The following EIF3H variants were observed in gnomAD, a reference collection of about 807,000 sequenced individuals.
EIF3H encodes the protein eukaryotic translation initiation factor 3 subunit H.
A neutral mutation model predicts 44.2 loss-of-function variants in EIF3H; 26 were observed. The ratio of observed to expected loss-of-function variants is 0.59; its 90% CI spans 0.43 to 0.82. EIF3H has a LOEUF of 0.82. Among genes scored for constraint, EIF3H ranks in the 40% least tolerant of loss-of-function variants. The pLI is 0.00. For synonymous variants in EIF3H, 166 were observed against 151.9 expected, an observed-to-expected ratio of 1.09 and a Z score of -0.68; for missense variants, 359 against 432.8, an observed-to-expected ratio of 0.83 and a Z score of 1.51.
At chr8:116,734,264 G>A (rs2130943240) in intron 1 of EIF3H, 1 of 455,782 alleles carries the variant, frequency 2.2e-6, no homozygotes, top group South Asian at 1.6e-5. Flanking sequence ...GAGGGGCAGG[G>A]AAGCAGCCTT....
chr8:116,678,039 A>T (rs992674842), intron 2 of EIF3H, among the ~76,000 whole-genome samples: 1 of 151,830 alleles, frequency 6.6e-6, no homozygotes, highest in Admixed American at 6.6e-5. Flanking sequence ...TCTGATGCCG[A>T]GCCAAAGCTG....
chr8:116,687,291 G>T lies in EIF3H; in HGVS notation c.290-28311C>A, dbSNP rs533183019. Reference sequence around the variant, plus strand: ...CAAGAAAACATCAAAATTCCAGGAAGAATTTTAGGCCAGATACAGTACTAA... The same window carrying T: ...CAAGAAAACATCAAAATTCCAGGAATAATTTTAGGCCAGATACAGTACTAA... On this transcript the variant is annotated intron_variant, in intron 2 of 7. Transcript: ENST00000521861. Among the ~76,000 whole-genome samples, 18 of 152,238 alleles carry T rather than the reference G, an allele frequency of 1.2e-4. No individual in the cohort carries two copies. The South Asian group carries it at 3.7e-3, about 32-fold the overall frequency.
intron 2 of EIF3H, among the ~76,000 whole-genome samples, chr8:116,708,573 G>C (rs1165110869): frequency 6.6e-6 from 1 of 151,994 alleles, no homozygotes; most frequent in Non-Finnish European, 1.5e-5. Context: ...GGCCAAGTGA[G>C]ATAATTTATC....
At chr8:116,752,618 T>A (rs1464748602) in intron 1 of EIF3H, among the ~76,000 whole-genome samples, 1 of 147,076 alleles carries the variant, frequency 6.8e-6, no homozygotes, top group South Asian at 2.1e-4. Context: ...TTGGCTAGTA[T>A]GTAATATTGC....
At chr8:116,759,426 A>G (rs1815492344), upstream of EIF3H, among the ~76,000 whole-genome samples, 1 of 152,120 alleles carries the variant, frequency 6.6e-6, no homozygotes, top group Non-Finnish European at 1.5e-5. Flanking sequence ...TAATAACTCT[A>G]CCCACTAGAA....
At chr8:116,759,419 T>C (rs1815492238), upstream of EIF3H, among the ~76,000 whole-genome samples, 1 of 152,178 alleles carries the variant, frequency 6.6e-6, no homozygotes, top group Non-Finnish European at 1.5e-5. Context: ...TGTGGCATAA[T>C]AACTCTACCC....
intron 1 of EIF3H, among the ~76,000 whole-genome samples, chr8:116,737,875 C>G (rs1207145398): frequency 6.6e-6 from 1 of 151,184 alleles, no homozygotes; most frequent in Non-Finnish European, 1.5e-5. Context: ...TCTCTACTAA[C>G]ATACAAAAAA....
chr8:116,660,964 TATG>T (rs1305413940), intron 2 of EIF3H, among the ~76,000 whole-genome samples: 2 of 152,228 alleles, frequency 1.3e-5, no homozygotes, highest in Non-Finnish European at 2.9e-5. Context: ...CAGTATGAAA[TATG>T]ATAATCTTAC....
chr8:116,738,139 A>G (rs1815074135), intron 1 of EIF3H, among the ~76,000 whole-genome samples: 1 of 151,000 alleles, frequency 6.6e-6, no homozygotes, highest in Admixed American at 6.6e-5. Flanking sequence ...TTTTAATTCA[A>G]AAAGCATCAA....
At chr8:116,647,953 T>A (rs1813332513) in intron 6 of EIF3H, among the ~76,000 whole-genome samples, 1 of 152,174 alleles carries the variant, frequency 6.6e-6, no homozygotes, top group Non-Finnish European at 1.5e-5. Flanking sequence ...GATTTACATA[T>A]GTTTTCTCAA....
At chr8:116,692,583 C>A (rs1814197013) in intron 2 of EIF3H, among the ~76,000 whole-genome samples, 1 of 152,118 alleles carries the variant, frequency 6.6e-6, no homozygotes. Context: ...CTGAGACTTA[C>A]TTAATTAAGA....
intron 2 of EIF3H, among the ~76,000 whole-genome samples, chr8:116,665,238 A>G (rs1044678838): frequency 6.6e-6 from 1 of 152,228 alleles, no homozygotes; most frequent in African/African-American, 2.4e-5. Flanking sequence ...TCTATATTTG[A>G]CATTAAATTA....
intron 2 of EIF3H, among the ~76,000 whole-genome samples, chr8:116,678,940 G>C (rs1813907963): frequency 2.0e-5 from 2 of 98,166 alleles, no homozygotes; most frequent in African/African-American, 6.1e-5. Context: ...GCCCCTACTG[G>C]GAAGTGAGGA....
At chr8:116,703,236 G>A (rs776890402) in intron 2 of EIF3H, among the ~76,000 whole-genome samples, 5 of 152,136 alleles carry the variant, frequency 3.3e-5, no homozygotes, top group Non-Finnish European at 7.4e-5. Flanking sequence ...ACAGAGATAG[G>A]AGCTGAAGGG....
intron 2 of EIF3H, among the ~76,000 whole-genome samples, chr8:116,707,537 TTCAG>T (rs1380214017): frequency 1.4e-5 from 2 of 140,732 alleles, no homozygotes; most frequent in Admixed American, 7.3e-5. Context: ...TTTGATAATA[TTCAG>T]TCAAATATCT....
chr8:116,739,901 G>A (rs1344212641), intron 1 of EIF3H, among the ~76,000 whole-genome samples: 2 of 152,142 alleles, frequency 1.3e-5, no homozygotes, highest in East Asian at 3.8e-4. Flanking sequence ...CAGGTTATCA[G>A]TGGTAAAGAA....
intron 2 of EIF3H, among the ~76,000 whole-genome samples, chr8:116,668,030 T>C (rs6980504): frequency 0.89 from 135,302 of 152,258 alleles, 60,416 homozygotes; most frequent in African/African-American, 0.96. Context: ...ATTAACCCCA[T>C]CCTCAAACTC....
At chr8:116,710,701 G>C (rs903429900) in intron 2 of EIF3H, among the ~76,000 whole-genome samples, 1 of 152,176 alleles carries the variant, frequency 6.6e-6, no homozygotes, top group Admixed American at 6.5e-5. Context: ...AAACATACTG[G>C]AATTACTGCC....
At chr8:116,764,148 T>C (rs2131015519) in intron 1 of EIF3H, among the ~76,000 whole-genome samples, 1 of 152,344 alleles carries the variant, frequency 6.6e-6, no homozygotes, top group East Asian at 1.9e-4. Context: ...CTATTTGGCA[T>C]GGAAAATGTC....
Sources: gnomAD v4.1 joint callset for allele counts (sites outside exome capture counted in the v4.1 genomes callset) on GRCh38, gnomAD v4.1.1 for gene constraint, MANE v1.5 for transcripts, NCBI Gene and HGNC (gene_info 2026-07-23, HGNC 2026-07-21) for gene names.